The following EFCAB6 variants were observed in gnomAD, a reference collection of about 807,000 sequenced individuals.
The protein encoded by EFCAB6 is EF-hand calcium-binding domain-containing protein 6.
A neutral mutation model predicts 169.8 loss-of-function variants in EFCAB6; 156 were observed. The observed-to-expected ratio is 0.92, with a 90% CI of 0.81 to 1.05. The LOEUF (loss-of-function observed/expected upper bound fraction) is 1.05. Ranked by LOEUF, EFCAB6 falls within the 50% of genes least tolerant of loss-of-function variation. The pLI is 0.00. For synonymous variants in EFCAB6, 698 were observed against 676.4 expected (o/e 1.03, Z -0.50); for missense variants, 1,800 against 1,829.1 (o/e 0.98, Z 0.29).
chr22:43,798,547 C>T (rs989022130), intron 2 of EFCAB6, among the ~76,000 whole-genome samples: 2 of 152,156 alleles, frequency 1.3e-5, no homozygotes, highest in African/African-American at 4.8e-5. Flanking sequence ...CCTTCATAGC[C>T]TTAGTCCAGT....
rs117668790 is a variant in EFCAB6 at position 43,725,689 on chromosome 22, G to A, written c.757+6010C>T. ...AGTTTTGAACTGGTAGGATGGCAGCGGGGAAGATGATGGGCTGGTGTCAGC... is the reference window on the plus strand; with the variant it reads ...AGTTTTGAACTGGTAGGATGGCAGCAGGGAAGATGATGGGCTGGTGTCAGC... On this transcript the variant is annotated intron_variant, in intron 8 of 31. Coordinates refer to ENST00000262726, the MANE Select transcript of EFCAB6 (RefSeq NM_022785.4). Among the ~76,000 whole-genome samples, 1,364 of 152,250 alleles carry A rather than the reference G, an allele frequency of 9.0e-3. 12 individuals are homozygous for A. Among genetic ancestry groups the A allele is most frequent in the East Asian group, 0.015 (76 of 5,174 alleles).
chr22:43,613,244 A>G (rs2053451883), intron 21 of EFCAB6, among the ~76,000 whole-genome samples: 1 of 149,574 alleles, frequency 6.7e-6, no homozygotes, highest in Admixed American at 6.7e-5. Context: ...TTCATATCAT[A>G]TATTTATACA....
chr22:43,561,370 GA>G (rs1037521039), intron 26 of EFCAB6, among the ~76,000 whole-genome samples: 4 of 141,052 alleles, frequency 2.8e-5, no homozygotes, highest in African/African-American at 1.1e-4. Flanking sequence ...AAAAAAAAAA[GA>G]AAGAAAGAAA....
intron 8 of EFCAB6, among the ~76,000 whole-genome samples, chr22:43,725,791 T>C (rs946365272): frequency 2.6e-5 from 4 of 152,322 alleles, no homozygotes; most frequent in Non-Finnish European, 4.4e-5. Context: ...TAATATTATA[T>C]GCCCCATAAC....
chr22:43,622,627 C>A (rs1327582641), intron 20 of EFCAB6, among the ~76,000 whole-genome samples: 1 of 152,104 alleles, frequency 6.6e-6, no homozygotes, highest in African/African-American at 2.4e-5. Context: ...TTATCTGGAT[C>A]CATTTGTTAT....
At chr22:43,740,180 C>A (rs2060318290) in intron 6 of EFCAB6, among the ~76,000 whole-genome samples, 2 of 152,318 alleles carry the variant, frequency 1.3e-5, no homozygotes, top group South Asian at 4.1e-4. Context: ...CAGAAACGCC[C>A]TCCCTAGTCA....
chr22:43,540,382 C>T lies in EFCAB6; in HGVS notation c.3649-25G>A, dbSNP rs569163529. On this transcript the variant is annotated intron_variant, in intron 27 of 31. Coordinates refer to ENST00000262726, the MANE Select transcript of EFCAB6 (RefSeq NM_022785.4). ...ACTGGAGAAGGAGCAGAAGTCATTT[C>T]CCAGGTGTCAGTGCAAACACAGGCA... 1.9e-6 allele frequency: 3 copies of T among 1,613,280 alleles called. No individual in the cohort carries two copies. The African/African-American group carries it at 4.0e-5, about 22-fold the overall frequency.
intron 19 of EFCAB6, among the ~76,000 whole-genome samples, chr22:43,631,418 C>T (rs867415674): frequency 2.0e-5 from 3 of 151,990 alleles, no homozygotes; most frequent in Admixed American, 6.5e-5. Context: ...TCCACCACGA[C>T]AAGCCACATG....
intron 8 of EFCAB6, among the ~76,000 whole-genome samples, chr22:43,729,629 G>A (rs181368519): frequency 6.6e-6 from 1 of 152,280 alleles, no homozygotes; most frequent in Admixed American, 6.5e-5. Flanking sequence ...CACCTTGGAA[G>A]AAAACGTAAC....
At chr22:43,530,597 G>T in intron 31 of EFCAB6, 1 of 985,436 alleles carries the variant, frequency 1.0e-6, no homozygotes, top group South Asian at 4.7e-5. Flanking sequence ...ATCCACGCAG[G>T]GCTCCAGCAA....
chr22:43,580,296 G>A (rs933822552), intron 25 of EFCAB6, among the ~76,000 whole-genome samples, 168 bp downstream of exon 25: 1 of 152,152 alleles, frequency 6.6e-6, no homozygotes, highest in Non-Finnish European at 1.5e-5. Flanking sequence ...AGCACATGCT[G>A]GGGTGGAAGA....
At chr22:43,683,420 G>A (rs551757081) in intron 12 of EFCAB6, among the ~76,000 whole-genome samples, 2 of 152,144 alleles carry the variant, frequency 1.3e-5, no homozygotes, top group Non-Finnish European at 2.9e-5. Flanking sequence ...CACCAGGTCT[G>A]GGTTGTTTGT....
chr22:43,710,809 G>A (rs2059133607), intron 10 of EFCAB6, among the ~76,000 whole-genome samples: 1 of 152,162 alleles, frequency 6.6e-6, no homozygotes, highest in African/African-American at 2.4e-5. Flanking sequence ...AAATGAACAT[G>A]GGTCTGTACA....
At chr22:43,780,544 C>T (rs1569485104) in intron 3 of EFCAB6, among the ~76,000 whole-genome samples, 1 of 151,000 alleles carries the variant, frequency 6.6e-6, no homozygotes, top group Non-Finnish European at 1.5e-5. Context: ...GTCATCTCAC[C>T]TCACTCTAGT....
At position 43,598,310 on chromosome 22, in the gene EFCAB6, G is replaced by GAAAAAAAA. The variant is rs1402967848; in HGVS notation, c.2876+1758_2876+1759insTTTTTTTT. Among the ~76,000 whole-genome samples the GAAAAAAAA allele has an allele frequency of 5.2e-5, 3 of 57,660 alleles. 1 individual carries two copies. The highest frequency in any genetic ancestry group is 1.0e-4 in the Non-Finnish European group (3 of 29,108). The allele number at this position is 57,660 out of a possible 152,430, so 37.8% of individuals were successfully genotyped here. On this transcript the variant is annotated intron_variant, in intron 23 of 31. Coordinates refer to ENST00000262726, the MANE Select transcript of EFCAB6 (RefSeq NM_022785.4). ...TGATGAAAGTGAGACACTGTCTCCG[G>GAAAAAAAA]GAAAAAAAAAAAAAAAAAAAAAAAA...
intron 27 of EFCAB6, among the ~76,000 whole-genome samples, chr22:43,546,592 C>T (rs775763976): frequency 1.1e-4 from 17 of 152,020 alleles, no homozygotes; most frequent in Admixed American, 9.2e-4. Flanking sequence ...ATTTTCAGGC[C>T]GGGCGTGGTG....
intron 6 of EFCAB6, among the ~76,000 whole-genome samples, chr22:43,738,067 T>C (rs1395115187): frequency 6.9e-6 from 1 of 145,626 alleles, no homozygotes; most frequent in Admixed American, 6.9e-5. Context: ...CACTCAAATA[T>C]ATTCACACAC....
intron 8 of EFCAB6, among the ~76,000 whole-genome samples, chr22:43,721,066 T>C (rs891888156): frequency 2.6e-5 from 4 of 152,182 alleles, no homozygotes; most frequent in African/African-American, 7.2e-5. Context: ...ATCAGTGGCA[T>C]TTCTATACAT....
At chr22:43,590,289 A>C (rs1308254730) in intron 23 of EFCAB6, 60 bp from the exon 24 acceptor site, 2 of 1,567,210 alleles carry the variant, frequency 1.3e-6, no homozygotes, top group African/African-American at 2.7e-5. Context: ...ACTCCTTTAA[A>C]GCAAACACTG....
Sources: allele counts gnomAD v4.1 joint callset (sites outside exome capture counted in the v4.1 genomes callset), GRCh38; gene constraint gnomAD v4.1.1; transcripts MANE v1.5; gene names NCBI Gene and HGNC (gene_info 2026-07-23, HGNC 2026-07-21).